ZFHX3: variants seen among roughly 807,000 people sequenced by gnomAD.
The protein encoded by ZFHX3 is zinc finger homeobox protein 3.
In ZFHX3, 42 loss-of-function variants were observed where a neutral mutation model predicts 279.1. The observed-to-expected ratio is 0.15, with a 90% CI of 0.12 to 0.19. The LOEUF (loss-of-function observed/expected upper bound fraction) is 0.19. ZFHX3 is among the 10% of genes least tolerant of loss of function. The pLI is 1.00. For synonymous variants in ZFHX3, 2,293 were observed against 1,957.8 expected, an observed-to-expected ratio of 1.17 and a Z score of -4.52; for missense variants, 4,981 against 4,754.0, an observed-to-expected ratio of 1.05 and a Z score of -1.40.
chr16:73,492,880 C>A (rs1034527324), intron 2 of ZFHX3, among the ~76,000 whole-genome samples: 2 of 152,130 alleles, frequency 1.3e-5, no homozygotes, highest in Admixed American at 6.6e-5. Context: ...TGGTGACCAA[C>A]CATGACTGTA....
intron 5 of ZFHX3, among the ~76,000 whole-genome samples, chr16:73,242,365 C>T (rs2013149072): frequency 6.6e-6 from 1 of 152,186 alleles, no homozygotes; most frequent in African/African-American, 2.4e-5. Context: ...CCCACACCCA[C>T]CCCATTAGCC....
At chr16:73,076,774 G>A (rs1030141096) in intron 8 of ZFHX3, among the ~76,000 whole-genome samples, 13 of 152,126 alleles carry the variant, frequency 8.5e-5, no homozygotes, top group African/African-American at 3.1e-4. Flanking sequence ...AACCGATCCT[G>A]TCAGGAATTT....
chr16:73,251,746 C>T (rs911695600), intron 5 of ZFHX3, among the ~76,000 whole-genome samples: 7 of 146,902 alleles, frequency 4.8e-5, no homozygotes, highest in Non-Finnish European at 1.5e-5. Context: ...TGCACACACA[C>T]ATACACACCA....
chr16:72,906,190 G>C (rs993950897), intron 3 of ZFHX3, among the ~76,000 whole-genome samples: 23 of 151,968 alleles, frequency 1.5e-4, no homozygotes, highest in Admixed American at 4.6e-4. Flanking sequence ...CTAGTGGAAT[G>C]AGACTGGAAG....
At position 73,780,580 on chromosome 16, in the gene ZFHX3, T is replaced by C. The variant is rs111557611; in HGVS notation, c.-1607-100340A>G. ...GCCTCTGCCTCCCAAGGAGCTGGAT[T>C]ACAGGCATGCGCCACCACGCCCAGC... On this transcript the variant is annotated intron_variant, in intron 1 of 17. Transcript: ENST00000641206. 7.1e-4 allele frequency among the ~76,000 whole-genome samples: 108 copies of C among 152,028 alleles called. 1 individual carries two copies. The highest frequency in any genetic ancestry group is 3.4e-3 in the Middle Eastern group (1 of 294).
chr16:72,877,865 T>TG (rs2038357104), intron 4 of ZFHX3, among the ~76,000 whole-genome samples: 1 of 152,146 alleles, frequency 6.6e-6, no homozygotes, highest in African/African-American at 2.4e-5. Flanking sequence ...CCCCCTTAAC[T>TG]GGGGGCCACG....
At chr16:73,806,124 A>G (rs1390205852) in intron 1 of ZFHX3, among the ~76,000 whole-genome samples, 3 of 152,218 alleles carry the variant, frequency 2.0e-5, no homozygotes, top group African/African-American at 7.2e-5. Context: ...CAGCTCTTGT[A>G]AGAACTCACT....
At chr16:73,378,202 C>T (rs1456484659) in intron 3 of ZFHX3, among the ~76,000 whole-genome samples, 2 of 152,028 alleles carry the variant, frequency 1.3e-5, no homozygotes, top group Non-Finnish European at 2.9e-5. Context: ...CCACTAACAG[C>T]CTATGAAAGA....
In ZFHX3 at chr16:72,797,217, A is replaced by G; in HGVS notation, c.5465T>C (p.Leu1822Pro). Residue 1822 changes from leucine (L) to proline (P), a missense_variant, in exon 9 of 10, where the codon CTG becomes CCG. Leu to Pro is a moderately conservative substitution (Grantham distance 98). Coordinates refer to ENST00000268489, the MANE Select transcript of ZFHX3 (RefSeq NM_006885.4). ...EVSLPVTSGA[L>P]TLTGTGPGLL... ...GCCTGGGCCTGTCCCAGTCAGTGTC[A>G]GTGCCCCACTGGTCACTGGCAAGCT... 1 of 1,613,938 alleles carries G rather than the reference A, an allele frequency of 6.2e-7. No individual in the cohort carries two copies.
chr16:73,533,253 A>G (rs952951958), intron 2 of ZFHX3, among the ~76,000 whole-genome samples: 1 of 151,760 alleles, frequency 6.6e-6, no homozygotes, highest in African/African-American at 2.4e-5. Flanking sequence ...AAGAAAAATG[A>G]AGGATTCAGA....
chr16:73,132,252 T>C (rs1966699369), intron 6 of ZFHX3, among the ~76,000 whole-genome samples: 3 of 152,072 alleles, frequency 2.0e-5, no homozygotes, highest in East Asian at 1.9e-4. Context: ...ATCACTGCAC[T>C]CTAGCCTGGG....
chr16:73,485,965 G>A (rs566042992), intron 2 of ZFHX3, among the ~76,000 whole-genome samples: 1 of 152,180 alleles, frequency 6.6e-6, no homozygotes, highest in Admixed American at 6.5e-5. Flanking sequence ...GGAGAGCAGG[G>A]ACCACCTCTC....
intron 3 of ZFHX3, among the ~76,000 whole-genome samples, chr16:73,366,374 A>G (rs994072658): frequency 1.3e-5 from 2 of 152,074 alleles, no homozygotes; most frequent in Non-Finnish European, 2.9e-5. Flanking sequence ...GTGGGGGAAA[A>G]CTATAGAAAA....
At chr16:73,693,589 C>T (rs967181881) in intron 1 of ZFHX3, among the ~76,000 whole-genome samples, 4 of 151,956 alleles carry the variant, frequency 2.6e-5, no homozygotes, top group South Asian at 2.1e-4. Context: ...GGGTTCTTTC[C>T]GCTACATAAA....
At chr16:73,522,013 CT>C (rs2019616253) in intron 2 of ZFHX3, among the ~76,000 whole-genome samples, 1 of 152,154 alleles carries the variant, frequency 6.6e-6, no homozygotes, top group South Asian at 2.1e-4. Context: ...GCATGGCAGC[CT>C]TGGTTATCTA....
At chr16:73,214,604 C>T (rs772219837) in intron 5 of ZFHX3, among the ~76,000 whole-genome samples, 3 of 152,184 alleles carry the variant, frequency 2.0e-5, no homozygotes, top group Non-Finnish European at 4.4e-5. Context: ...GTGTTGACCT[C>T]TTCACACATA....
intron 4 of ZFHX3, among the ~76,000 whole-genome samples, chr16:73,301,241 A>G (rs2015049573): frequency 6.6e-6 from 1 of 152,104 alleles, no homozygotes; most frequent in South Asian, 2.1e-4. Flanking sequence ...TTTCCTTTTT[A>G]TTCTCTTATT....
intron 3 of ZFHX3, among the ~76,000 whole-genome samples, chr16:73,441,041 A>G (rs1268775228): frequency 6.6e-6 from 1 of 152,162 alleles, no homozygotes; most frequent in Non-Finnish European, 1.5e-5. Context: ...GATTTCTTTT[A>G]AGCACTGGGA....
intron 8 of ZFHX3, among the ~76,000 whole-genome samples, chr16:73,080,498 A>C (rs1965930599): frequency 6.6e-6 from 1 of 152,228 alleles, no homozygotes; most frequent in South Asian, 2.1e-4. Context: ...TTCTTGGTCC[A>C]CACCTCAAAC....
Sources: gnomAD v4.1 joint callset for allele counts (sites outside exome capture counted in the v4.1 genomes callset) on GRCh38, gnomAD v4.1.1 for gene constraint, MANE v1.5 for transcripts, NCBI Gene and HGNC (gene_info 2026-07-23, HGNC 2026-07-21) for gene names.